JPH3: variants seen among roughly 807,000 people sequenced by gnomAD.
JPH3 encodes the protein junctophilin 3, also known as junctophilin-3.
JPH3 carries 11 observed loss-of-function variants against 59.6 expected under a neutral mutation model. The ratio of observed to expected loss-of-function variants is 0.18; its 90% CI spans 0.12 to 0.31. The LOEUF is 0.31. Ranked by LOEUF, JPH3 falls within the 10% of genes least tolerant of loss-of-function variation. The pLI is 1.00. For missense variants in JPH3, 1,202 were observed against 1,105.7 expected, an observed-to-expected ratio of 1.09 and a Z score of -1.24; for synonymous variants, 673 against 483.6, an observed-to-expected ratio of 1.39 and a Z score of -5.14.
In JPH3 at chr16:87,602,559, C is replaced by T. The variant is rs915610089; in HGVS notation, c.-588C>T. On this transcript the variant is annotated 5_prime_UTR_variant, in exon 1 of 5. Coordinates refer to ENST00000284262, the MANE Select transcript of JPH3 (RefSeq NM_020655.4). Reference sequence around the variant, plus strand: ...ACGCCGCCGCCGCCACCGCCGCCGCCGCCGCCCGAGCCGCCGCATTGCTGC... The same window carrying T: ...ACGCCGCCGCCGCCACCGCCGCCGCTGCCGCCCGAGCCGCCGCATTGCTGC... Among the ~76,000 whole-genome samples, 1 of 140,896 alleles carries T rather than the reference C, an allele frequency of 7.1e-6. No individual in the cohort carries two copies. Among genetic ancestry groups the T allele is most frequent in the Non-Finnish European group, 1.6e-5 (1 of 63,830 alleles). 92.4% of individuals were successfully genotyped at this position (140,896 alleles called of 152,430 possible).
At position 87,687,215 on chromosome 16, in the gene JPH3, G is replaced by A. The variant is rs760681346; in HGVS notation, c.1286-2431G>A. 6.0e-4 allele frequency among the ~76,000 whole-genome samples: 92 copies of A among 152,108 alleles called. 1 individual carries two copies. Among genetic ancestry groups the A allele is most frequent in the African/African-American group, 4.3e-4 (18 of 41,438 alleles). On this transcript the variant is annotated intron_variant, in intron 3 of 4. Coordinates refer to ENST00000284262, the MANE Select transcript of JPH3 (RefSeq NM_020655.4). Reference sequence around the variant, plus strand: ...AAGCTGTCCAGGTCCTTCCTCAGTCGTCCTCACAGCCAGGAGCTGAGGTCA... The same window carrying A: ...AAGCTGTCCAGGTCCTTCCTCAGTCATCCTCACAGCCAGGAGCTGAGGTCA...
At chr16:87,605,030 A>G in intron 1 of JPH3, 1 of 434,830 alleles carries the variant, frequency 2.3e-6, no homozygotes, top group East Asian at 7.2e-5. Flanking sequence ...CGGGCAGCAG[A>G]TGTGGGTGGC....
chr16:87,664,013 T>C (rs997652648), intron 2 of JPH3, among the ~76,000 whole-genome samples: 4 of 152,152 alleles, frequency 2.6e-5, no homozygotes, highest in Admixed American at 1.3e-4. Context: ...TGAGGAAATA[T>C]GCGCTGAAGT....
chr16:87,669,101 C>G (rs1286410683), intron 2 of JPH3, among the ~76,000 whole-genome samples: 1 of 152,220 alleles, frequency 6.6e-6, no homozygotes, highest in African/African-American at 2.4e-5. Flanking sequence ...GCGTGGCGGG[C>G]CTTCCCTCTT....
rs77160746 is a variant in JPH3 at position 87,635,568 on chromosome 16, G to C, written c.383-8690G>C. On this transcript the variant is annotated intron_variant, in intron 1 of 4. Transcript: ENST00000284262. ...ACTGTCCCAGCGGATCTCCGAGCAGGGTCCCTTGAGCATTAGGAATGCAGC... is the reference window on the plus strand; with the variant it reads ...ACTGTCCCAGCGGATCTCCGAGCAGCGTCCCTTGAGCATTAGGAATGCAGC... 3.7e-3 allele frequency among the ~76,000 whole-genome samples: 571 copies of C among 152,290 alleles called. 1 individual carries two copies. Among genetic ancestry groups the C allele is most frequent in the Non-Finnish European group, 6.6e-3 (448 of 68,016 alleles).
At chr16:87,693,767 A>C (rs576232656) in intron 4 of JPH3, 1 of 152,618 alleles carries the variant, frequency 6.6e-6, no homozygotes, top group East Asian at 1.9e-4. Flanking sequence ...GATGCCCAGC[A>C]TACAGTCGGG....
In JPH3 at chr16:87,690,491, G is replaced by A. The variant is rs750409885; in HGVS notation, c.2131G>A (p.Asp711Asn). ...QKSLPVALES[D>N]EENGDELKSS... ...ATCCTTGCCTGTCGCTCTAGAGTCC[G>A]ACGAGGAGAATGGGGATGAGCTCAA... The change falls in exon 4 of 5, where the codon GAC becomes AAC. Residue 711 changes from aspartate to asparagine, a missense_variant. By Grantham distance (23) the Asp-to-Asn change is conservative. Coordinates refer to ENST00000284262, the MANE Select transcript of JPH3 (RefSeq NM_020655.4). 1.2e-5 allele frequency: 18 copies of A among 1,486,384 alleles called. No individual in the cohort carries two copies. The highest frequency in any genetic ancestry group is 4.7e-5 in the East Asian group (2 of 42,112). 92.1% of individuals were successfully genotyped at this position (1,486,384 alleles called of 1,614,324 possible). A position where few individuals can be genotyped will look rare whatever the true frequency, so the allele number is the denominator to read the frequency against.
At position 87,609,348 on chromosome 16, in the gene JPH3, C is replaced by T. The variant is rs558541558; in HGVS notation, c.382+5820C>T. ...GTGGAGTGATCTTGGCTCATTGCAA[C>T]CTCTGCCTCCTGGGCTCAAGTCATT... On this transcript the variant is annotated intron_variant, in intron 1 of 4. Transcript: ENST00000284262. 2.6e-5 allele frequency among the ~76,000 whole-genome samples: 4 copies of T among 152,258 alleles called. No homozygotes were observed. The South Asian group carries it at 8.3e-4, about 32-fold the overall frequency.
At chr16:87,665,083 C>A (rs2032820368) in intron 2 of JPH3, among the ~76,000 whole-genome samples, 1 of 152,256 alleles carries the variant, frequency 6.6e-6, no homozygotes, top group South Asian at 2.1e-4. Flanking sequence ...CTCTTCCTTG[C>A]CGGAGCTCAT....
At chr16:87,641,569 C>G (rs1190446122) in intron 1 of JPH3, among the ~76,000 whole-genome samples, 2 of 152,242 alleles carry the variant, frequency 1.3e-5, no homozygotes, top group African/African-American at 2.4e-5. Flanking sequence ...CTTCCTGGTA[C>G]CCCCCTTCTC....
chr16:87,691,666 A>G (rs956619629), intron 4 of JPH3, among the ~76,000 whole-genome samples: 4 of 152,092 alleles, frequency 2.6e-5, no homozygotes, highest in African/African-American at 9.7e-5. Context: ...GCCGGGCGGC[A>G]ATGCCTGTTT....
intron 2 of JPH3, among the ~76,000 whole-genome samples, chr16:87,653,326 G>A (rs1288173174): frequency 1.3e-5 from 2 of 152,196 alleles, no homozygotes; most frequent in African/African-American, 4.8e-5. Flanking sequence ...TGGGGCCCCT[G>A]CCTGTCCCCG....
At chr16:87,695,720 C>G (rs1415366039) in intron 4 of JPH3, 1 of 419,668 alleles carries the variant, frequency 2.4e-6, no homozygotes, top group Non-Finnish European at 4.6e-6. Context: ...AGGGGCCACG[C>G]TCCCTCTCCC....
rs375188525 is a variant in JPH3, at chr16:87,617,183, G to A, written c.382+13655G>A. On this transcript the variant is annotated intron_variant, in intron 1 of 4. Transcript: ENST00000284262. The stretch of plus-strand genomic sequence containing the variant: ...GGTTGCAGTGAGCCGAGATTGCGCC[G>A]TTGCACTCCAGCCTGGGTGACAGAG... Among the ~76,000 whole-genome samples the A allele has an allele frequency of 7.2e-5, 11 of 152,206 alleles. 1 individual carries two copies. In the East Asian group the frequency reaches 1.4e-3, roughly 19 times the overall value.
At chr16:87,674,835 G>A (rs543894563) in intron 2 of JPH3, among the ~76,000 whole-genome samples, 42 of 152,042 alleles carry the variant, frequency 2.8e-4, no homozygotes, top group African/African-American at 8.0e-4. Context: ...ATCTTGTCTC[G>A]CTGCAACCTC....
chr16:87,696,750 C>A lies in JPH3; in HGVS notation c.*90C>A. On this transcript the variant is annotated 3_prime_UTR_variant, in exon 5 of 5. Transcript: ENST00000284262. ...AACCACAAGAAGGGAAAGACCGCAACTCGGACAGCCCAGCGACTTCCAAGT... is the reference window on the plus strand; with the variant it reads ...AACCACAAGAAGGGAAAGACCGCAAATCGGACAGCCCAGCGACTTCCAAGT... 1 of 1,037,330 alleles carries A rather than the reference C, an allele frequency of 9.6e-7. No homozygotes were observed. The highest frequency in any genetic ancestry group is 1.5e-6 in the Non-Finnish European group (1 of 675,592). The allele number at this position is 1,037,330 out of a possible 1,614,324, so 64.3% of individuals were successfully genotyped here. A position where few individuals can be genotyped will look rare whatever the true frequency, so the allele number is the denominator to read the frequency against.
At chr16:87,612,376 TG>T (rs578214905) in intron 1 of JPH3, among the ~76,000 whole-genome samples, 2 of 151,980 alleles carry the variant, frequency 1.3e-5, no homozygotes, top group South Asian at 4.2e-4. Flanking sequence ...CCGCCCACCT[TG>T]GCCTCCTGAA....
intron 2 of JPH3, among the ~76,000 whole-genome samples, chr16:87,670,206 G>A (rs1034694127): frequency 2.0e-5 from 3 of 152,190 alleles, no homozygotes; most frequent in Non-Finnish European, 4.4e-5. Context: ...CAGCAGCGAG[G>A]GTGGGGGTCT....
At chr16:87,693,855 C>G (rs139006160) in intron 4 of JPH3, 1 of 152,244 alleles carries the variant, frequency 6.6e-6, no homozygotes. Context: ...GTTTCTCTCA[C>G]GTTAACGGGA....
Sources: allele counts gnomAD v4.1 joint callset (sites outside exome capture counted in the v4.1 genomes callset), GRCh38; gene constraint gnomAD v4.1.1; transcripts MANE v1.5; gene names NCBI Gene and HGNC (gene_info 2026-07-23, HGNC 2026-07-21).